The following APOL3 variants were observed in gnomAD, a reference collection of about 807,000 sequenced individuals.
APOL3 encodes the protein TNF-inducible protein CG12-1.
Under a neutral mutation model 11.6 loss-of-function variants are expected in APOL3, and 14 were observed. The observed-to-expected ratio is 1.21, with a 90% confidence interval of 0.80 to 1.89. APOL3 has a LOEUF of 1.89. Among genes scored for constraint, APOL3 ranks in the 40% most tolerant of loss-of-function variants. The pLI, the probability that APOL3 is intolerant of heterozygous loss-of-function variation, is 0.00. For synonymous variants in APOL3, 192 were observed against 190.6 expected (o/e 1.01, Z -0.06); for missense variants, 483 against 492.1 (o/e 0.98, Z 0.17).
At chr22:36,160,596 G>T in intron 1 of APOL3, 73 bp downstream of exon 1, 1 of 1,503,002 alleles carries the variant, frequency 6.7e-7, no homozygotes. Flanking sequence ...TCTACAAAAG[G>T]TGAATGACCC....
chr22:36,156,756 T>C (rs549914870), intron 1 of APOL3: 38 of 334,152 alleles, frequency 1.1e-4, no homozygotes, highest in African/African-American at 7.9e-4. Flanking sequence ...TACCTCTGTG[T>C]GGCTCTTTGG....
intron 1 of APOL3, chr22:36,149,796 T>A (rs1407822479): frequency 2.2e-6 from 1 of 455,438 alleles, no homozygotes; most frequent in Non-Finnish European, 4.4e-6. Context: ...GACTCCTCAT[T>A]CCAAATCTGT....
intron 1 of APOL3, among the ~76,000 whole-genome samples, chr22:36,150,637 G>A (rs148212947): frequency 0.025 from 3,745 of 152,300 alleles, 143 homozygotes; most frequent in African/African-American, 0.085. Context: ...TTGGGAGACC[G>A]AGGCAGGTGG....
chr22:36,152,655 G>C (rs1355558573), intron 1 of APOL3, among the ~76,000 whole-genome samples: 1 of 152,138 alleles, frequency 6.6e-6, no homozygotes, highest in African/African-American at 2.4e-5. Context: ...ATAGTTCTGA[G>C]GGGAAAACTA....
chr22:36,156,298 T>C (rs527460225), intron 1 of APOL3, among the ~76,000 whole-genome samples: 2 of 152,262 alleles, frequency 1.3e-5, no homozygotes, highest in South Asian at 4.1e-4. Flanking sequence ...GGTCGTGCTA[T>C]GCTGCCCAGG....
At position 36,156,638 on chromosome 22, in the gene APOL3, A is replaced by G. The variant is rs924021722; in HGVS notation, c.223+4031T>C. On this transcript the variant is annotated intron_variant, in intron 1 of 2. Coordinates refer to ENST00000349314, the Ensembl canonical transcript of APOL3. ...GAATGCCTCCCCCACCTTCCCCACC[A>G]TGTGCAAGTCACCCATCCTCAGAGG... The G allele has an allele frequency of 2.3e-5, 5 of 216,960 alleles. No homozygotes were observed. In the South Asian group the frequency reaches 3.4e-4, roughly 15 times the overall value. 13.4% of individuals were successfully genotyped at this position (216,960 alleles called of 1,614,324 possible). A position where few individuals can be genotyped will look rare whatever the true frequency, so the allele number is the denominator to read the frequency against.
upstream of APOL3, among the ~76,000 whole-genome samples, chr22:36,161,326 C>A (rs531518241): frequency 6.6e-6 from 1 of 152,258 alleles, no homozygotes; most frequent in Admixed American, 6.5e-5. Flanking sequence ...GCTGGGACTA[C>A]AAGCATGAGC....
rs770137335 is a variant in APOL3 at position 36,141,296 on chromosome 22, A to AGAT, written c.1110_1112dup (p.Ser371dup). 1.6e-5 allele frequency: 26 copies of AGAT among 1,614,058 alleles called. No homozygotes were observed. In the South Asian group the frequency reaches 2.6e-4, roughly 16 times the overall value. On this transcript the variant is annotated inframe_insertion, in exon 3 of 3. Transcript: ENST00000349314. ...GAGCCTGCCGCCTCAGCTCCTCAGC[A>AGAT]GATGCAGACTTTGCCCCCTCATGCA... is the stretch of plus-strand genomic sequence containing the variant.
At chr22:36,157,429 C>T (rs981234172) in intron 1 of APOL3, among the ~76,000 whole-genome samples, 8 of 152,154 alleles carry the variant, frequency 5.3e-5, no homozygotes, top group Admixed American at 2.6e-4. Flanking sequence ...GAAGAAGAAA[C>T]AAATTCTTCT....
intron 1 of APOL3, among the ~76,000 whole-genome samples, chr22:36,152,654 A>G (rs961175574): frequency 3.3e-5 from 5 of 152,196 alleles, no homozygotes; most frequent in African/African-American, 1.2e-4. Context: ...AATAGTTCTG[A>G]GGGGAAAACT....
At chr22:36,146,728 C>T (rs1388949021) in intron 1 of APOL3, among the ~76,000 whole-genome samples, 1 of 152,028 alleles carries the variant, frequency 6.6e-6, no homozygotes, top group Non-Finnish European at 1.5e-5. Flanking sequence ...ACCTTGTAAT[C>T]AAAGGTACAA....
intron 2 of APOL3, among the ~76,000 whole-genome samples, chr22:36,144,130 C>T (rs959583301): frequency 2.6e-5 from 4 of 152,140 alleles, no homozygotes; most frequent in East Asian, 1.9e-4. Context: ...CCACTATGCC[C>T]ATCAGTGATG....
chr22:36,157,411 A>G (rs1220286525), intron 1 of APOL3, among the ~76,000 whole-genome samples: 1 of 152,372 alleles, frequency 6.6e-6, no homozygotes, highest in East Asian at 1.9e-4. Flanking sequence ...TAGGTCCTAC[A>G]TTTAAAAGAA....
At chr22:36,151,179 A>T (rs1026643260) in intron 1 of APOL3, among the ~76,000 whole-genome samples, 1 of 152,216 alleles carries the variant, frequency 6.6e-6, no homozygotes, top group Non-Finnish European at 1.5e-5. Flanking sequence ...GGCCCCAGAA[A>T]TAATATCTTT....
chr22:36,163,269 C>T (rs372011245), upstream of APOL3, among the ~76,000 whole-genome samples: 4 of 152,172 alleles, frequency 2.6e-5, no homozygotes, highest in South Asian at 6.2e-4. Context: ...TTAAGAGAGC[C>T]GATTGGGATT....
At chr22:36,161,041 G>A (rs2013666491), upstream of APOL3, 20 of 679,194 alleles carry the variant, frequency 2.9e-5, no homozygotes, top group South Asian at 3.7e-4. Flanking sequence ...GAAAGACTAT[G>A]AGACCCTCCA....
At chr22:36,141,940 G>A (rs2060013299) in exon 3 of APOL3, 1 of 1,614,186 alleles carries the variant, frequency 6.2e-7, no homozygotes, top group Non-Finnish European at 8.5e-7. Flanking sequence ...TTGACTTGGG[G>A]AAACTCTTTC....
chr22:36,145,986 C>CTT (rs1341297072), intron 1 of APOL3, among the ~76,000 whole-genome samples: 4 of 117,178 alleles, frequency 3.4e-5, no homozygotes, highest in African/African-American at 1.3e-4. Flanking sequence ...CTCTTTCTCT[C>CTT]TCTCTCTCTC....
chr22:36,143,761 C>A (rs1017476622), intron 2 of APOL3, among the ~76,000 whole-genome samples: 1 of 152,206 alleles, frequency 6.6e-6, no homozygotes, highest in African/African-American at 2.4e-5. Flanking sequence ...ATGTCACCAG[C>A]CAAACTAATG....
Sources: allele counts gnomAD v4.1 joint callset (sites outside exome capture counted in the v4.1 genomes callset), GRCh38; gene constraint gnomAD v4.1.1; transcripts MANE v1.5; gene names NCBI Gene and HGNC (gene_info 2026-07-23, HGNC 2026-07-21).